Variants in IL34 observed in about 807,000 individuals in gnomAD.
The protein encoded by IL34 is interleukin-34.
In IL34, 17 loss-of-function variants were observed where a neutral mutation model predicts 25.3. That is an observed-to-expected ratio of 0.67 (90% CI 0.46 to 1.01). The LOEUF (loss-of-function observed/expected upper bound fraction) is 1.01. Ranked by LOEUF, IL34 falls within the 50% of genes least tolerant of loss-of-function variation. The pLI is 0.00. For synonymous variants in IL34, 174 were observed against 140.9 expected (o/e 1.23, Z -1.66); for missense variants, 368 against 312.9 (o/e 1.18, Z -1.33).
At chr16:70,606,242 C>T in intron 1 of IL34, among the ~76,000 whole-genome samples, 1 of 151,414 alleles carries the variant, frequency 6.6e-6, no homozygotes, top group South Asian at 2.1e-4. Context: ...ACTAAAAATA[C>T]AAAAAATTAG....
At chr16:70,612,772 C>T (rs1005815545) in intron 1 of IL34, among the ~76,000 whole-genome samples, 4 of 152,146 alleles carry the variant, frequency 2.6e-5, no homozygotes, top group African/African-American at 9.7e-5. Context: ...TTCTGCTTCT[C>T]CCAATTAGAA....
intron 1 of IL34, among the ~76,000 whole-genome samples, chr16:70,594,403 C>A (rs1269884716): frequency 6.6e-6 from 1 of 152,106 alleles, no homozygotes; most frequent in Non-Finnish European, 1.5e-5. Flanking sequence ...CTTTCAATTT[C>A]AAATAGGTAA....
chr16:70,632,886 C>G (rs1022959095), intron 1 of IL34, among the ~76,000 whole-genome samples: 1 of 152,152 alleles, frequency 6.6e-6, no homozygotes, highest in Non-Finnish European at 1.5e-5. Flanking sequence ...CACCAGCTTG[C>G]TGTTTCCAAC....
In IL34 at chr16:70,634,912, GCA is replaced by G. The variant is rs1254356551; in HGVS notation, c.-400-11635_-400-11634del. Among the ~76,000 whole-genome samples, 7 of 92,322 alleles carry G rather than the reference GCA, an allele frequency of 7.6e-5. No homozygotes were observed. The African/African-American group carries it at 9.4e-4, about 12-fold the overall frequency. The allele number at this position is 92,322 out of a possible 152,430, so 60.6% of individuals were successfully genotyped here. On this transcript the variant is annotated intron_variant, in intron 1 of 6. Transcript: ENST00000429149. ...TTCATCCATGTTGCTGCACAGATCAGCAGTTCCTTTTAATTTCAGAGTAATAT... is the reference window on the plus strand; with the variant it reads ...TTCATCCATGTTGCTGCACAGATCAGGTTCCTTTTAATTTCAGAGTAATAT...
chr16:70,600,666 A>C (rs904581196), intron 1 of IL34, among the ~76,000 whole-genome samples: 1 of 152,188 alleles, frequency 6.6e-6, no homozygotes, highest in Non-Finnish European at 1.5e-5. Flanking sequence ...AATAATGTGC[A>C]TTTTACAATC....
chr16:70,659,164 C>T (rs553244832), intron 4 of IL34, among the ~76,000 whole-genome samples: 1 of 152,268 alleles, frequency 6.6e-6, no homozygotes, highest in African/African-American at 2.4e-5. Flanking sequence ...GAGAAAGCAC[C>T]CCAGCTTGAA....
intron 1 of IL34, among the ~76,000 whole-genome samples, chr16:70,613,364 G>A (rs1184328793): frequency 1.3e-5 from 2 of 152,200 alleles, no homozygotes; most frequent in African/African-American, 2.4e-5. Flanking sequence ...CATGGGGTTG[G>A]AGCGGGGCGG....
intron 1 of IL34, among the ~76,000 whole-genome samples, chr16:70,593,738 C>T (rs1043641537): frequency 2.0e-5 from 3 of 151,898 alleles, no homozygotes; most frequent in African/African-American, 7.3e-5. Context: ...TGTTGCCCAG[C>T]CTGATCTCAG....
chr16:70,619,828 C>T (rs113229247), intron 1 of IL34, among the ~76,000 whole-genome samples: 2 of 152,232 alleles, frequency 1.3e-5, no homozygotes, highest in African/African-American at 2.4e-5. Flanking sequence ...TTGAACAGTC[C>T]GATTTTCAGT....
chr16:70,634,180 A>C (rs1469026218), intron 1 of IL34, among the ~76,000 whole-genome samples: 3 of 151,998 alleles, frequency 2.0e-5, no homozygotes, highest in African/African-American at 7.2e-5. Context: ...GACACCAGTC[A>C]TTGTATTGGG....
At chr16:70,659,099 G>C (rs926549777) in intron 4 of IL34, among the ~76,000 whole-genome samples, 6 of 152,098 alleles carry the variant, frequency 3.9e-5, no homozygotes, top group Admixed American at 1.3e-4. Flanking sequence ...TCAGGGACTT[G>C]ATTCCCTTGG....
At chr16:70,614,281 GCA>G (rs2051141240) in intron 1 of IL34, among the ~76,000 whole-genome samples, 1 of 152,064 alleles carries the variant, frequency 6.6e-6, no homozygotes, top group African/African-American at 2.4e-5. Flanking sequence ...TGTCTGTATG[GCA>G]CAGTTTGAGG....
chr16:70,627,277 C>A (rs1002822583), intron 1 of IL34, among the ~76,000 whole-genome samples: 2 of 152,116 alleles, frequency 1.3e-5, no homozygotes, highest in East Asian at 3.8e-4. Context: ...GTATAACACA[C>A]ATATAGCAAA....
chr16:70,658,833 A>G (rs1487011388), intron 4 of IL34, among the ~76,000 whole-genome samples: 1 of 152,214 alleles, frequency 6.6e-6, no homozygotes, highest in East Asian at 1.9e-4. Flanking sequence ...TTACAAGGAC[A>G]TCAGGCATTG....
chr16:70,627,888 T>A (rs2051430954), intron 1 of IL34, among the ~76,000 whole-genome samples: 1 of 152,236 alleles, frequency 6.6e-6, no homozygotes, highest in Admixed American at 6.5e-5. Flanking sequence ...TTTATCCACA[T>A]GCCATGAATA....
chr16:70,654,309 G>A (rs761177741), intron 1 of IL34: 4 of 408,100 alleles, frequency 9.8e-6, no homozygotes, highest in Non-Finnish European at 1.7e-5. Flanking sequence ...TCCAGTGGCC[G>A]GCATGGGGTG....
chr16:70,632,416 A>G (rs2051540770), intron 1 of IL34, among the ~76,000 whole-genome samples: 1 of 152,238 alleles, frequency 6.6e-6, no homozygotes, highest in Non-Finnish European at 1.5e-5. Flanking sequence ...CTCCTTTTGT[A>G]GGTGTTTAGC....
chr16:70,623,449 GGA>G (rs558677876), intron 1 of IL34, among the ~76,000 whole-genome samples: 2,477 of 152,150 alleles, frequency 0.016, 70 homozygotes, highest in African/African-American at 0.057. Flanking sequence ...GGAATTGTAA[GGA>G]GAGTTTATAG....
chr16:70,590,112 T>C (rs2050735771), intron 1 of IL34, among the ~76,000 whole-genome samples: 1 of 152,182 alleles, frequency 6.6e-6, no homozygotes, highest in Non-Finnish European at 1.5e-5. Context: ...TCTGTGTCCC[T>C]GTGGAAGTCA....
Sources: gnomAD v4.1 joint callset for allele counts (sites outside exome capture counted in the v4.1 genomes callset) on GRCh38, gnomAD v4.1.1 for gene constraint, MANE v1.5 for transcripts, NCBI Gene and HGNC (gene_info 2026-07-23, HGNC 2026-07-21) for gene names.